The following PCDHGA9 variants were observed in gnomAD, a reference collection of about 807,000 sequenced individuals.
PCDHGA9 encodes protocadherin gamma-A9.
PCDHGA9 carries 37 observed loss-of-function variants against 62.5 expected under a neutral mutation model. The observed-to-expected ratio is 0.59, with a 90% CI of 0.46 to 0.78. PCDHGA9 has a LOEUF of 0.78. Among genes scored for constraint, PCDHGA9 ranks in the 30% least tolerant of loss-of-function variants. The probability of loss-of-function intolerance (pLI) is 0.00; values close to 1 mark genes in which losing one functional copy is unlikely to be tolerated. For synonymous variants in PCDHGA9, 459 were observed against 484.6 expected (o/e 0.95, Z 0.69); for missense variants, 1,138 against 1,166.2 (o/e 0.98, Z 0.35).
chr5:141,410,352 G>T (rs754268147), intron 1 of PCDHGA9: 4 of 1,614,022 alleles, frequency 2.5e-6, no homozygotes, highest in South Asian at 2.2e-5. Flanking sequence ...CGCCTGCGAC[G>T]CTCTCTCAGC....
chr5:141,405,265 C>T lies in PCDHGA9; in HGVS notation c.2313C>T (p.Pro771=), dbSNP rs769240639. The T allele has an allele frequency of 4.3e-6, 7 of 1,614,106 alleles. No homozygotes were observed. In the Admixed American group the frequency reaches 1.2e-4, roughly 27 times the overall value. Reference sequence around the variant, plus strand: ...CAAGGAAGAGTCACCTGATCTTCCCCCAGCCCAACTATGCAGACACACTCA... The same window carrying T: ...CAAGGAAGAGTCACCTGATCTTCCCTCAGCCCAACTATGCAGACACACTCA... ...ADSRKSHLIF[P]QPNYADTLIS... The change falls in exon 1 of 4, where the codon CCC becomes CCT. Residue 771 remains proline (P), a synonymous_variant. Coordinates refer to ENST00000573521, the MANE Select transcript of PCDHGA9 (RefSeq NM_018921.3).
At chr5:141,440,431 A>G (rs1338519888) in intron 1 of PCDHGA9, 1 of 152,222 alleles carries the variant, frequency 6.6e-6, no homozygotes, top group Non-Finnish European at 1.5e-5. Flanking sequence ...TGGGTGACAG[A>G]GCAAGGCGCC....
In PCDHGA9 at chr5:141,477,718, A is replaced by G; in HGVS notation, c.2425-17089A>G. 6.2e-7 allele frequency: 1 copy of G among 1,613,928 alleles called. No homozygotes were observed. The highest frequency in any genetic ancestry group is 8.5e-7 in the Non-Finnish European group (1 of 1,180,034). On this transcript the variant is annotated intron_variant, in intron 1 of 3. Coordinates refer to ENST00000573521, the MANE Select transcript of PCDHGA9 (RefSeq NM_018921.3). The surrounding 1 kb of genome is among the most constrained non-coding windows in gnomAD (Gnocchi z 4.9). ...ACTATGAGGATCGGCGGGAATTTGA[A>G]TTAACAGCTCATATCAGCGATGGGG...
At chr5:141,472,003 A>T (rs1450802255) in intron 1 of PCDHGA9, among the ~76,000 whole-genome samples, 1 of 152,176 alleles carries the variant, frequency 6.6e-6, no homozygotes, top group Non-Finnish European at 1.5e-5. Context: ...CCTGCATCGT[A>T]TAGGGGCACT....
chr5:141,445,075 A>G (rs1251499929), intron 1 of PCDHGA9, among the ~76,000 whole-genome samples: 1 of 152,170 alleles, frequency 6.6e-6, no homozygotes, highest in East Asian at 1.9e-4. Context: ...TTCTCATTAA[A>G]TTGTCCCTAC....
chr5:141,488,939 T>C (rs1229571704), intron 1 of PCDHGA9, among the ~76,000 whole-genome samples: 1 of 152,114 alleles, frequency 6.6e-6, no homozygotes, highest in Non-Finnish European at 1.5e-5. Context: ...GGAAACTCCA[T>C]AATTGGTTGA....
At chr5:141,503,801 G>A (rs920669425) in intron 2 of PCDHGA9, among the ~76,000 whole-genome samples, 1 of 151,990 alleles carries the variant, frequency 6.6e-6, no homozygotes, top group Admixed American at 6.6e-5. Flanking sequence ...ACTTAGGGAC[G>A]GGGAATCCCA....
Position 141,432,253 on chromosome 5 carries a change from G to A in PCDHGA9, c.2424+26877G>A, listed in dbSNP as rs1193159615. ...CCCTGGCTGAGAACACCATCCAAGGGGCAAGCCTATCGTCCTACGTGTCCA... is the reference window on the plus strand; with the variant it reads ...CCCTGGCTGAGAACACCATCCAAGGAGCAAGCCTATCGTCCTACGTGTCCA... On this transcript the variant is annotated intron_variant, in intron 1 of 3. Coordinates refer to ENST00000573521, the MANE Select transcript of PCDHGA9 (RefSeq NM_018921.3). The surrounding 1 kb of genome is among the most constrained non-coding windows in gnomAD (Gnocchi z 6.0). 2.5e-6 allele frequency: 4 copies of A among 1,614,086 alleles called. No individual in the cohort carries two copies. Among genetic ancestry groups the A allele is most frequent in the Non-Finnish European group, 3.4e-6 (4 of 1,180,046 alleles).
At chr5:141,437,650 A>G in intron 1 of PCDHGA9, among the ~76,000 whole-genome samples, 1 of 152,314 alleles carries the variant, frequency 6.6e-6, no homozygotes, top group Non-Finnish European at 1.5e-5. Context: ...AAAAGCAAAC[A>G]CATAGTTTCG....
At chr5:141,458,984 C>T (rs2098958355) in intron 1 of PCDHGA9, among the ~76,000 whole-genome samples, 1 of 152,204 alleles carries the variant, frequency 6.6e-6, no homozygotes, top group Non-Finnish European at 1.5e-5. Context: ...CCTCCTGCCT[C>T]ACCCTCCCAA....
Position 141,486,276 on chromosome 5 carries a change from T to C in PCDHGA9, c.2425-8531T>C. The C allele has an allele frequency of 1.2e-6, 2 of 1,613,980 alleles. No homozygotes were observed. The highest frequency in any genetic ancestry group is 1.7e-6 in the Non-Finnish European group (2 of 1,179,974). On this transcript the variant is annotated intron_variant, in intron 1 of 3. Coordinates refer to ENST00000573521, the MANE Select transcript of PCDHGA9 (RefSeq NM_018921.3). The surrounding 1 kb of genome is among the most constrained non-coding windows in gnomAD (Gnocchi z 5.0). ...CCCGAGAGTGCAGAACCTGGCACTG[T>C]GGTGGCACTTATCAGTGTGCAGGAT...
rs376389835 is a variant in PCDHGA9, at chr5:141,405,082, G to A, written c.2130G>A (p.Thr710=). The A allele has an allele frequency of 1.3e-5, 21 of 1,613,674 alleles. No individual in the cohort carries two copies. The highest frequency in any genetic ancestry group is 2.2e-5 in the East Asian group (1 of 44,884). Residue 710 remains threonine (T), a synonymous_variant, in exon 1 of 4, where the codon ACG becomes ACA. Coordinates refer to ENST00000573521, the MANE Select transcript of PCDHGA9 (RefSeq NM_018921.3). ...GTGTCTTCCTCACCTTCGTTATCAC[G>A]CTGCTGGCCCTCAGGCTGAGGCACT... ...VSCVFLTFVI[T]LLALRLRHWH...
intron 1 of PCDHGA9, chr5:141,424,522 T>C (rs2096826398): frequency 6.6e-6 from 1 of 152,212 alleles, no homozygotes; most frequent in South Asian, 2.1e-4. Flanking sequence ...ATGTAGTAAA[T>C]CCATATATAG....
At chr5:141,464,008 G>A (rs1484928987) in intron 1 of PCDHGA9, among the ~76,000 whole-genome samples, 6 of 151,674 alleles carry the variant, frequency 4.0e-5, no homozygotes, top group Non-Finnish European at 7.4e-5. Flanking sequence ...GCTCATGCTT[G>A]TAATCCCACA....
At chr5:141,457,318 C>T (rs990268003) in intron 1 of PCDHGA9, among the ~76,000 whole-genome samples, 3 of 152,238 alleles carry the variant, frequency 2.0e-5, no homozygotes, top group South Asian at 2.1e-4. Context: ...AAGAAACCTC[C>T]GGGTTACAGG....
intron 1 of PCDHGA9, chr5:141,414,389 A>G: frequency 1.9e-6 from 3 of 1,613,926 alleles, no homozygotes; most frequent in African/African-American, 2.7e-5. Context: ...ATTGACAGTT[A>G]TTACAGATTG....
intron 1 of PCDHGA9, among the ~76,000 whole-genome samples, chr5:141,472,357 C>T (rs1020143523): frequency 2.4e-4 from 37 of 152,012 alleles, no homozygotes; most frequent in Non-Finnish European, 1.5e-4. Context: ...CTGGCTAACA[C>T]GGTGAAACCC....
chr5:141,430,015 T>G (rs2097256653), intron 1 of PCDHGA9, among the ~76,000 whole-genome samples: 1 of 152,236 alleles, frequency 6.6e-6, no homozygotes, highest in South Asian at 2.1e-4. Context: ...TTCACTTGGG[T>G]TCTTGTTAAG....
chr5:141,411,868 A>AG (rs1463496640), intron 1 of PCDHGA9: 1 of 152,224 alleles, frequency 6.6e-6, no homozygotes, highest in East Asian at 1.9e-4. Flanking sequence ...TCAAAAAAAA[A>AG]AGACATTTCT....
Sources: gnomAD v4.1 joint callset for allele counts (sites outside exome capture counted in the v4.1 genomes callset) on GRCh38, gnomAD v4.1.1 for gene constraint, Gnocchi (gnomAD v3.1) non-coding constraint, MANE v1.5 for transcripts, NCBI Gene and HGNC (gene_info 2026-07-23, HGNC 2026-07-21) for gene names.